VPS13B: variants seen among roughly 807,000 people sequenced by gnomAD.
VPS13B encodes vacuolar protein sorting 13 homolog B, also known as intermembrane lipid transfer protein VPS13B.
VPS13B carries 285 observed loss-of-function variants against 426.4 expected under a neutral mutation model. The observed-to-expected ratio is 0.67, with a 90% CI of 0.61 to 0.74. The LOEUF (loss-of-function observed/expected upper bound fraction) is 0.74, where lower values mean the gene tolerates loss of function less well. VPS13B is among the 30% of genes least tolerant of loss of function. VPS13B has a pLI of 0.00. For synonymous variants in VPS13B, 1,676 were observed against 1,676.4 expected, an observed-to-expected ratio of 1.00 and a Z score of 0.01; for missense variants, 4,537 against 4,782.6, an observed-to-expected ratio of 0.95 and a Z score of 1.51.
At position 99,096,448 on chromosome 8, in the gene VPS13B, A is replaced by C. The variant is rs749610445; in HGVS notation, c.412+16A>C. 6.2e-7 allele frequency: 1 copy of C among 1,613,716 alleles called. No homozygotes were observed. The highest frequency in any genetic ancestry group is 1.7e-5 in the Admixed American group (1 of 59,988). On this transcript the variant is annotated intron_variant, in intron 4 of 61. Transcript: ENST00000357162. ...TTACCACCAGGTAACTTCTAATGGG[A>C]TCAATAAAACCAAATTTCAATTTTT...
intron 5 of VPS13B, among the ~76,000 whole-genome samples, chr8:99,106,495 C>G (rs146043156): frequency 1.4e-5 from 2 of 146,946 alleles, no homozygotes; most frequent in African/African-American, 5.0e-5. Context: ...TATAGCTAAA[C>G]GACATACCAC....
intron 39 of VPS13B, among the ~76,000 whole-genome samples, chr8:99,731,241 A>T (rs920324408): frequency 3.9e-5 from 6 of 152,174 alleles, no homozygotes; most frequent in African/African-American, 1.4e-4. Flanking sequence ...TTGAGCACCT[A>T]GTATGTACCA....
At chr8:99,447,001 A>G (rs1817952452) in intron 23 of VPS13B, among the ~76,000 whole-genome samples, 1 of 152,102 alleles carries the variant, frequency 6.6e-6, no homozygotes, top group Non-Finnish European at 1.5e-5. Flanking sequence ...TAATATTTTC[A>G]AGGCTTCCTT....
chr8:99,519,019 T>C, intron 29 of VPS13B, among the ~76,000 whole-genome samples: 1 of 152,328 alleles, frequency 6.6e-6, no homozygotes, highest in South Asian at 2.1e-4. Flanking sequence ...ATTGTTAACA[T>C]TTTTTAAACA....
chr8:99,828,256 G>A (rs1212510208), intron 51 of VPS13B, among the ~76,000 whole-genome samples: 2 of 152,074 alleles, frequency 1.3e-5, no homozygotes, highest in African/African-American at 4.8e-5. Flanking sequence ...GGATGCTCTT[G>A]TATTGGGTGC....
intron 17 of VPS13B, among the ~76,000 whole-genome samples, chr8:99,205,409 C>G (rs774571884): frequency 2.1e-4 from 32 of 152,082 alleles, no homozygotes; most frequent in Admixed American, 1.8e-3. Flanking sequence ...ATGTAGATGA[C>G]GGGTTGATGG....
intron 19 of VPS13B, among the ~76,000 whole-genome samples, chr8:99,303,123 A>T (rs1258630503): frequency 6.6e-6 from 1 of 151,874 alleles, no homozygotes; most frequent in Non-Finnish European, 1.5e-5. Context: ...TACTAAAAAT[A>T]CACAAAATTA....
intron 3 of VPS13B, among the ~76,000 whole-genome samples, chr8:99,077,186 T>G (rs995537461): frequency 6.6e-6 from 1 of 152,142 alleles, no homozygotes; most frequent in Non-Finnish European, 1.5e-5. Context: ...TTCATTTTTT[T>G]TTTTAAAAGG....
intron 33 of VPS13B, among the ~76,000 whole-genome samples, chr8:99,625,950 G>A (rs1438648084): frequency 6.6e-6 from 1 of 152,140 alleles, no homozygotes; most frequent in Non-Finnish European, 1.5e-5. Context: ...TGGAATGAAA[G>A]AGGTGACAGT....
intron 44 of VPS13B, among the ~76,000 whole-genome samples, chr8:99,815,341 G>A (rs1469900969): frequency 1.3e-5 from 2 of 152,038 alleles, no homozygotes; most frequent in Non-Finnish European, 2.9e-5. Context: ...GACCCAAGAA[G>A]AGCTGATGCT....
intron 3 of VPS13B, among the ~76,000 whole-genome samples, chr8:99,044,204 C>G (rs559306717): frequency 5.3e-5 from 8 of 151,250 alleles, no homozygotes; most frequent in Admixed American, 5.3e-4. Flanking sequence ...CTGCCTCAGC[C>G]TCTGGGGTAG....
intron 19 of VPS13B, among the ~76,000 whole-genome samples, chr8:99,319,465 T>G (rs1809857309): frequency 6.6e-6 from 1 of 152,136 alleles, no homozygotes; most frequent in Non-Finnish European, 1.5e-5. Flanking sequence ...TATCTACAGG[T>G]TTTTAACTTA....
At chr8:99,744,865 A>T (rs1297199169) in intron 39 of VPS13B, among the ~76,000 whole-genome samples, 1 of 152,124 alleles carries the variant, frequency 6.6e-6, no homozygotes, top group Admixed American at 6.5e-5. Context: ...GATACACCCA[A>T]TGTTAAATGA....
In VPS13B at chr8:99,520,969, C is replaced by A. The variant is rs1030235559; in HGVS notation, c.4704C>A (p.Asp1568Glu). 11 of 1,613,648 alleles carry A rather than the reference C, an allele frequency of 6.8e-6. No individual in the cohort carries two copies. The highest frequency in any genetic ancestry group is 1.3e-5 in the African/African-American group (1 of 74,910). The part of the protein sequence containing the change: ...IGSVAMAPQA[D>E]NPLGRSVLRK... ...CTGTTGCCATGGCTCCCCAGGCTGA[C>A]AATCCCCTTGGCAGATCTGTCCTTA... The change falls in exon 30 of 62, where the codon GAC (aspartate) becomes GAA (glutamate). Residue 1568 changes from aspartate to glutamate, a missense_variant. Asp to Glu is a conservative substitution (Grantham distance 45, BLOSUM62 2). This residue lies in a region of VPS13B where 4,311 missense variants were observed against 4,474.3 expected (regional missense o/e 0.96). Transcript: ENST00000357162.
chr8:99,742,282 T>C (rs1471497693), intron 39 of VPS13B, among the ~76,000 whole-genome samples: 1 of 152,104 alleles, frequency 6.6e-6, no homozygotes, highest in Non-Finnish European at 1.5e-5. Context: ...CAGGAAGAAG[T>C]TGAATCTCTG....
chr8:99,723,208 G>A, intron 39 of VPS13B, among the ~76,000 whole-genome samples: 1 of 152,296 alleles, frequency 6.6e-6, no homozygotes, highest in African/African-American at 2.4e-5. Flanking sequence ...ACAACAAAAT[G>A]AGGCTAATAA....
intron 19 of VPS13B, among the ~76,000 whole-genome samples, chr8:99,335,456 CA>C (rs1371492543): frequency 7.2e-5 from 11 of 152,164 alleles, no homozygotes; most frequent in African/African-American, 2.6e-4. Flanking sequence ...GTTAGGGTGT[CA>C]ATTTCAGATC....
intron 24 of VPS13B, among the ~76,000 whole-genome samples, chr8:99,476,829 T>G (rs1819718126): frequency 6.6e-6 from 1 of 152,200 alleles, no homozygotes; most frequent in Admixed American, 6.5e-5. Flanking sequence ...GGAACATTTT[T>G]CATGCTGAAA....
intron 31 of VPS13B, among the ~76,000 whole-genome samples, chr8:99,559,399 T>C (rs184272281): frequency 0.022 from 3,276 of 152,322 alleles, 53 homozygotes; most frequent in Middle Eastern, 0.075. Context: ...GTGCAGAAGC[T>C]CTTTAGTTTA....
Sources: allele counts gnomAD v4.1 joint callset (sites outside exome capture counted in the v4.1 genomes callset), GRCh38; gene constraint gnomAD v4.1.1; regional missense constraint gnomAD v4.1.1; transcripts MANE v1.5; gene names NCBI Gene and HGNC (gene_info 2026-07-23, HGNC 2026-07-21).